The following ABTB3 variants were observed in gnomAD, a reference collection of about 807,000 sequenced individuals.
ABTB3 encodes the protein ankyrin repeat- and BTB/POZ domain-containing protein 3.
the ABTB3 span, among the ~76,000 whole-genome samples, chr12:107,630,946 G>C: frequency 2.6e-5 from 4 of 152,054 alleles, no homozygotes; most frequent in Non-Finnish European, 4.4e-5. Context: ...TTAGGGTTTT[G>C]TTTTTGTTTT....
the ABTB3 span, among the ~76,000 whole-genome samples, chr12:107,637,816 GTGTGT>G: frequency 6.6e-6 from 1 of 151,446 alleles, no homozygotes; most frequent in Non-Finnish European, 1.5e-5. Flanking sequence ...GTGTGTGTGT[GTGTGT>G]GTGTGTGTGT....
the ABTB3 span, among the ~76,000 whole-genome samples, chr12:107,539,428 T>C: frequency 6.6e-6 from 1 of 152,102 alleles, no homozygotes; most frequent in Non-Finnish European, 1.5e-5. Flanking sequence ...CTTCCTTTTT[T>C]TTTCTTCCTC....
chr12:107,381,518 AG>A, the ABTB3 span, among the ~76,000 whole-genome samples: 1 of 152,250 alleles, frequency 6.6e-6, no homozygotes. Flanking sequence ...AGCTCCGGGT[AG>A]GAACAGCAAG....
chr12:107,414,446 C>A, the ABTB3 span, among the ~76,000 whole-genome samples: 1 of 152,118 alleles, frequency 6.6e-6, no homozygotes, highest in African/African-American at 2.4e-5. Context: ...TTTTTACCCC[C>A]ACCCAAAAAA....
the ABTB3 span, among the ~76,000 whole-genome samples, chr12:107,438,529 G>A: frequency 6.6e-6 from 1 of 152,194 alleles, no homozygotes; most frequent in Non-Finnish European, 1.5e-5. Context: ...GCAGCCTCAG[G>A]AGGCGTTAGA....
chr12:107,617,532 T>C, the ABTB3 span: 699 of 1,492,624 alleles, frequency 4.7e-4, 2 homozygotes, highest in Non-Finnish European at 9.7e-5. Flanking sequence ...TCTCTGGATG[T>C]GGGGCCCAGA....
the ABTB3 span, among the ~76,000 whole-genome samples, chr12:107,386,589 T>G: frequency 6.6e-6 from 1 of 152,222 alleles, no homozygotes; most frequent in Non-Finnish European, 1.5e-5. Context: ...GCAGGGATTT[T>G]GGGTGACTTT....
At chr12:107,338,932 T>C in the ABTB3 span, among the ~76,000 whole-genome samples, 2 of 152,194 alleles carry the variant, frequency 1.3e-5, no homozygotes, top group Non-Finnish European at 2.9e-5. Flanking sequence ...GCTCAAGCCA[T>C]CCTCTTGCCT....
At chr12:107,458,774 C>G in the ABTB3 span, among the ~76,000 whole-genome samples, 1 of 152,164 alleles carries the variant, frequency 6.6e-6, no homozygotes, top group South Asian at 2.1e-4. Context: ...GCTCTCCTCA[C>G]CACCAGCTTA....
chr12:107,389,614 C>G, the ABTB3 span, among the ~76,000 whole-genome samples: 1 of 152,220 alleles, frequency 6.6e-6, no homozygotes, highest in African/African-American at 2.4e-5. Context: ...ACAAACCAAC[C>G]CAAACATAGT....
At chr12:107,482,913 C>CTTTCTTTCT in the ABTB3 span, among the ~76,000 whole-genome samples, 8 of 118,068 alleles carry the variant, frequency 6.8e-5, no homozygotes, top group East Asian at 2.5e-4. Flanking sequence ...TCTCTTTCTT[C>CTTTCTTTCT]TTCTTTCTTT....
At chr12:107,472,670 C>T in the ABTB3 span, among the ~76,000 whole-genome samples, 15 of 152,206 alleles carry the variant, frequency 9.9e-5, no homozygotes, top group African/African-American at 2.7e-4. Context: ...CGAGCATTGG[C>T]TGCTGCTGTT....
At chr12:107,533,956 A>C in the ABTB3 span, among the ~76,000 whole-genome samples, 1 of 152,262 alleles carries the variant, frequency 6.6e-6, no homozygotes, top group East Asian at 1.9e-4. Context: ...TAAAACTAGA[A>C]GTCAATAACG....
the ABTB3 span, among the ~76,000 whole-genome samples, chr12:107,563,373 G>A: frequency 6.6e-6 from 1 of 152,208 alleles, no homozygotes; most frequent in Admixed American, 6.5e-5. Context: ...ACTGTTCGAA[G>A]TTCTGGGGAG....
chr12:107,428,356 T>C, the ABTB3 span, among the ~76,000 whole-genome samples: 1 of 152,160 alleles, frequency 6.6e-6, no homozygotes, highest in South Asian at 2.1e-4. Flanking sequence ...CCCCTGTATC[T>C]TTCTGCCTTG....
the ABTB3 span, among the ~76,000 whole-genome samples, chr12:107,326,789 C>T: frequency 6.6e-6 from 1 of 152,204 alleles, no homozygotes; most frequent in Non-Finnish European, 1.5e-5. Flanking sequence ...ATGAAACTCC[C>T]ATTTGGAAAA....
chr12:107,428,445 A>G, the ABTB3 span, among the ~76,000 whole-genome samples: 1 of 152,136 alleles, frequency 6.6e-6, no homozygotes, highest in Non-Finnish European at 1.5e-5. Flanking sequence ...TTGGGAAGTT[A>G]ACACCCCAGG....
chr12:107,566,087 A>G, the ABTB3 span, among the ~76,000 whole-genome samples: 1 of 152,328 alleles, frequency 6.6e-6, no homozygotes, highest in East Asian at 1.9e-4. Context: ...TCTTGCGCAC[A>G]TAGAGGTCCC....
At chr12:107,530,988 G>A in the ABTB3 span, among the ~76,000 whole-genome samples, 7 of 152,206 alleles carry the variant, frequency 4.6e-5, no homozygotes, top group African/African-American at 1.4e-4. Context: ...GAGGGACTCC[G>A]ATCATTTGGA....
Sources: gnomAD v4.1 joint callset for allele counts (sites outside exome capture counted in the v4.1 genomes callset) on GRCh38, gnomAD v4.1.1 for gene constraint, MANE v1.5 for transcripts, NCBI Gene and HGNC (gene_info 2026-07-23, HGNC 2026-07-21) for gene names.